ABCE1: variants seen among roughly 807,000 people sequenced by gnomAD.
ABCE1 encodes the protein ATP binding cassette subfamily E member 1, also known as ATP-binding cassette sub-family E member 1.
A neutral mutation model predicts 83.4 loss-of-function variants in ABCE1; 22 were observed. That is an observed-to-expected ratio of 0.26 (90% CI 0.19 to 0.38). The LOEUF (loss-of-function observed/expected upper bound fraction) is 0.38. Ranked by LOEUF, ABCE1 falls within the 10% of genes least tolerant of loss-of-function variation. The probability of loss-of-function intolerance (pLI) is 1.00; values close to 1 mark genes in which losing one functional copy is unlikely to be tolerated. For missense variants in ABCE1, 330 were observed against 721.9 expected (o/e 0.46, Z 6.22); for synonymous variants, 204 against 233.7 (o/e 0.87, Z 1.16).
chr4:145,100,136 A>G (rs907109842), intron 1 of ABCE1, among the ~76,000 whole-genome samples: 2 of 152,234 alleles, frequency 1.3e-5, no homozygotes, highest in East Asian at 3.8e-4. Context: ...ATGCATTACA[A>G]TTTATCACTA....
rs147226565 is a variant in ABCE1 at position 145,129,307 on chromosome 4, G to A, written c.*1734G>A. The A allele has an allele frequency of 4.5e-4, 68 of 152,118 alleles. No individual in the cohort carries two copies. Among genetic ancestry groups the A allele is most frequent in the African/African-American group, 1.6e-3 (67 of 41,508 alleles). 9.4% of individuals were successfully genotyped at this position (152,118 alleles called of 1,614,324 possible). A position where few individuals can be genotyped will look rare whatever the true frequency, so the allele number is the denominator to read the frequency against. The stretch of plus-strand genomic sequence containing the variant: ...AATATGTATCTTAAAATTTTACATA[G>A]CAACAGAAAGGCCTACAATTGCTAA... On this transcript the variant is annotated 3_prime_UTR_variant, in exon 18 of 18. Coordinates refer to ENST00000296577, the MANE Select transcript of ABCE1 (RefSeq NM_002940.3).
chr4:145,105,599 T>C lies in ABCE1; in HGVS notation c.104-6T>C. 6.4e-7 allele frequency: 1 copy of C among 1,573,882 alleles called. No individual in the cohort carries two copies. Among genetic ancestry groups the C allele is most frequent in the Non-Finnish European group, 8.7e-7 (1 of 1,151,054 alleles). Reference sequence around the variant, plus strand: ...AATGGCTTAATTATATCTTTTCCTTTACCAGGAAAATTATGCATAGAGGTT... The same window carrying C: ...AATGGCTTAATTATATCTTTTCCTTCACCAGGAAAATTATGCATAGAGGTT... On this transcript the variant is annotated splice_polypyrimidine_tract_variant and splice_region_variant and intron_variant, in intron 2 of 17. Coordinates refer to ENST00000296577, the MANE Select transcript of ABCE1 (RefSeq NM_002940.3).
At chr4:145,121,149 A>G (rs756986286) in intron 11 of ABCE1, 25 bp from the exon 12 acceptor site, 2 of 1,611,536 alleles carry the variant, frequency 1.2e-6, no homozygotes, top group African/African-American at 2.7e-5. Flanking sequence ...CTTTCAGATC[A>G]AACTGTCATA....
intron 17 of ABCE1, 146 bp downstream of exon 17, chr4:145,125,247 C>T: frequency 1.8e-6 from 1 of 551,704 alleles, no homozygotes; most frequent in South Asian, 2.6e-5. Context: ...GCAGGCAGAT[C>T]ACTTGAGGTC....
intron 7 of ABCE1, 54 bp from the exon 8 acceptor site, chr4:145,110,914 T>C: frequency 1.6e-6 from 2 of 1,239,682 alleles, no homozygotes; most frequent in East Asian, 2.4e-5. Flanking sequence ...CAGTATACTT[T>C]TTACCTGGAA....
intron 3 of ABCE1, among the ~76,000 whole-genome samples, chr4:145,106,879 CAA>C (rs1302744016): frequency 2.0e-5 from 3 of 152,086 alleles, no homozygotes; most frequent in Admixed American, 6.5e-5. Context: ...TATTAGAAAA[CAA>C]GAGTAATTAT....
chr4:145,100,818 A>G (rs901298836), intron 1 of ABCE1, among the ~76,000 whole-genome samples: 6 of 152,176 alleles, frequency 3.9e-5, no homozygotes, highest in Admixed American at 3.9e-4. Flanking sequence ...CAAGATTTCT[A>G]AAGTTGTTAT....
intron 17 of ABCE1, 98 bp from the exon 18 acceptor site, chr4:145,127,428 G>A (rs1749917461): frequency 3.7e-6 from 4 of 1,067,082 alleles, no homozygotes; most frequent in Admixed American, 4.8e-5. Context: ...TACAGGCACT[G>A]TTTTAAGCAC....
At position 145,119,968 on chromosome 4, in the gene ABCE1, A is replaced by G; in HGVS notation, c.959A>G (p.Glu320Gly). ...NIFLDGYVPT[E>G]NLRFRDASLV... ...TTTTTGGATGGCTATGTTCCAACAGAAAACTTGAGATTCAGAGATGCATCA... is the reference window on the plus strand; with the variant it reads ...TTTTTGGATGGCTATGTTCCAACAGGAAACTTGAGATTCAGAGATGCATCA... Residue 320 changes from glutamate to glycine, a missense_variant, in exon 11 of 18, where the codon GAA (glutamate) becomes GGA (glycine). Transcript: ENST00000296577. 6.2e-7 allele frequency: 1 copy of G among 1,611,466 alleles called. No homozygotes were observed. Among genetic ancestry groups the G allele is most frequent in the Non-Finnish European group, 8.5e-7 (1 of 1,178,950 alleles).
Position 145,121,382 on chromosome 4 carries a change from C to A in ABCE1, c.1254C>A (p.Pro418=). Residue 418 remains proline, a synonymous_variant, in exon 13 of 18, where the codon CCC becomes CCA. Coordinates refer to ENST00000296577, the MANE Select transcript of ABCE1 (RefSeq NM_002940.3). ...GTTATAAGCCACAGAAAATTAGTCC[C>A]AAATCAACTGTGAGTTATTATTTTT... ...NVSYKPQKIS[P]KSTGSVRQLL... is the part of the protein sequence containing the mutation. 1 of 1,610,980 alleles carries A rather than the reference C, an allele frequency of 6.2e-7. No individual in the cohort carries two copies. The highest frequency in any genetic ancestry group is 1.1e-5 in the South Asian group (1 of 90,512).
intron 16 of ABCE1, among the ~76,000 whole-genome samples, chr4:145,124,682 CTTA>C (rs1749829288): frequency 1.3e-5 from 2 of 152,094 alleles, no homozygotes; most frequent in African/African-American, 4.8e-5. Flanking sequence ...CTGTAATCTA[CTTA>C]TTAATTATCT....
At chr4:145,116,491 C>T (rs1388164222) in intron 9 of ABCE1, among the ~76,000 whole-genome samples, 1 of 151,776 alleles carries the variant, frequency 6.6e-6, no homozygotes, top group Non-Finnish European at 1.5e-5. Flanking sequence ...TTCGTTAATA[C>T]AAATATGGAG....
intron 16 of ABCE1, among the ~76,000 whole-genome samples, chr4:145,124,507 AT>A (rs1328085307): frequency 1.3e-5 from 2 of 152,128 alleles, no homozygotes; most frequent in African/African-American, 2.4e-5. Context: ...ATTTGGCATG[AT>A]TTAAGAACTC....
chr4:145,101,798 GGT>G (rs1323817655), intron 1 of ABCE1, among the ~76,000 whole-genome samples: 1 of 152,198 alleles, frequency 6.6e-6, no homozygotes, highest in Non-Finnish European at 1.5e-5. Context: ...CTGAAATTTT[GGT>G]GAGGATATCA....
intron 8 of ABCE1, 125 bp from the exon 9 acceptor site, chr4:145,112,114 C>T (rs767731093): frequency 1.6e-6 from 1 of 630,522 alleles, no homozygotes; most frequent in Non-Finnish European, 2.7e-6. Context: ...CTCTTCATTA[C>T]TATTGGAGAT....
intron 1 of ABCE1, among the ~76,000 whole-genome samples, chr4:145,103,154 C>T (rs541130195): frequency 2.6e-5 from 4 of 151,934 alleles, no homozygotes; most frequent in South Asian, 4.2e-4. Flanking sequence ...AGGACAGCGT[C>T]GAGGAGCAAG....
intron 13 of ABCE1, chr4:145,122,698 C>A (rs1252961649): frequency 5.6e-6 from 1 of 178,016 alleles, no homozygotes; most frequent in African/African-American, 2.4e-5. Context: ...GTAGTTCCAG[C>A]TCCTCTAGAG....
chr4:145,102,213 G>C (rs34510929), intron 1 of ABCE1, among the ~76,000 whole-genome samples: 1 of 152,144 alleles, frequency 6.6e-6, no homozygotes. Flanking sequence ...ATGATGGCTC[G>C]AAAAGTTTTG....
chr4:145,115,779 A>G (rs1749593283), intron 9 of ABCE1, among the ~76,000 whole-genome samples: 1 of 151,938 alleles, frequency 6.6e-6, no homozygotes, highest in Non-Finnish European at 1.5e-5. Flanking sequence ...AGAACCTACT[A>G]CTATCTTCCT....
Sources: gnomAD v4.1 joint callset for allele counts (sites outside exome capture counted in the v4.1 genomes callset) on GRCh38, gnomAD v4.1.1 for gene constraint, MANE v1.5 for transcripts, NCBI Gene and HGNC (gene_info 2026-07-23, HGNC 2026-07-21) for gene names.